The following DCD variants were observed in gnomAD, a reference collection of about 807,000 sequenced individuals.
DCD encodes the protein diffusible survival/evasion peptide.
DCD carries 17 observed loss-of-function variants against 14.5 expected under a neutral mutation model. The observed-to-expected ratio is 1.18, with a 90% CI of 0.81 to 1.76. The LOEUF (loss-of-function observed/expected upper bound fraction) is 1.76, where lower values mean the gene tolerates loss of function less well. Ranked by LOEUF, DCD falls within the 40% of genes most tolerant of loss-of-function variation. The pLI, the probability that DCD is intolerant of heterozygous loss-of-function variation, is 0.00. For missense variants in DCD, 139 were observed against 133.4 expected, an observed-to-expected ratio of 1.04 and a Z score of -0.21; for synonymous variants, 64 against 54.0, an observed-to-expected ratio of 1.19 and a Z score of -0.82.
intron 2 of DCD, 67 bp from the exon 3 acceptor site, chr12:54,645,774 G>T: frequency 7.1e-7 from 1 of 1,411,274 alleles, no homozygotes; most frequent in Non-Finnish European, 1.0e-6. Context: ...CGGGGAGCAG[G>T]TGGTGCTTTT....
chr12:54,648,352 G>A lies in DCD; in HGVS notation c.-49C>T. On this transcript the variant is annotated 5_prime_UTR_variant, in exon 1 of 5. Coordinates refer to ENST00000293371, the MANE Select transcript of DCD (RefSeq NM_053283.4). Reference sequence around the variant, plus strand: ...TGCCACCAAATCCTTGGAGATCTTGGGATCTAGGGTGTCAAGACTGCCTCT... The same window carrying A: ...TGCCACCAAATCCTTGGAGATCTTGAGATCTAGGGTGTCAAGACTGCCTCT... The A allele has an allele frequency of 6.2e-7, 1 of 1,611,924 alleles. No individual in the cohort carries two copies. Among genetic ancestry groups the A allele is most frequent in the Non-Finnish European group, 8.5e-7 (1 of 1,178,904 alleles).
chr12:54,645,116 A>G (rs1958246909), intron 4 of DCD, 57 bp downstream of exon 4: 2 of 1,578,212 alleles, frequency 1.3e-6, no homozygotes, highest in East Asian at 2.2e-5. Flanking sequence ...TTCAGATCTC[A>G]TGCAAGGGGT....
intron 4 of DCD, 192 bp from the exon 5 acceptor site, chr12:54,644,948 C>G (rs1192730274): frequency 6.5e-7 from 1 of 1,549,220 alleles, no homozygotes. Context: ...TCTTCCCCAC[C>G]TTGGCAGGGG....
rs764041088 is a variant in DCD, at chr12:54,648,284, A to G, written c.20T>C (p.Leu7Pro). ...GGCTCCTGCCAGAGCTGTCAGGAAG[A>G]GGAGAGTCATGAACCTCATGCTTCT... is the stretch of plus-strand genomic sequence containing the variant. The part of the protein sequence containing the change: MRFMTL[L>P]FLTALAGALV... The change falls in exon 1 of 5, where the codon CTC becomes CCC. Residue 7 changes from leucine (L) to proline (P), a missense_variant. Physicochemically the swap from Leu to Pro is moderately conservative, Grantham distance 98. Coordinates refer to ENST00000293371, the MANE Select transcript of DCD (RefSeq NM_053283.4). 7 of 1,613,890 alleles carry G rather than the reference A, an allele frequency of 4.3e-6. No homozygotes were observed. Among genetic ancestry groups the G allele is most frequent in the Non-Finnish European group, 5.9e-6 (7 of 1,179,974 alleles).
intron 2 of DCD, among the ~76,000 whole-genome samples, chr12:54,646,792 T>G (rs564910692): frequency 1.2e-3 from 178 of 152,236 alleles, no homozygotes; most frequent in African/African-American, 4.1e-3. Context: ...GTTTTTGAAT[T>G]GAAATTGTTG....
At chr12:54,644,780 G>A (rs1258914524) in intron 4 of DCD, 24 bp from the exon 5 acceptor site, 1 of 1,594,690 alleles carries the variant, frequency 6.3e-7, no homozygotes. Context: ...AGAAAAAAAT[G>A]GGGTAAAGGG....
In DCD at chr12:54,648,291, T is replaced by C. The variant is rs756756691; in HGVS notation, c.13A>G (p.Thr5Ala). 1 of 1,613,108 alleles carries C rather than the reference T, an allele frequency of 6.2e-7. No individual in the cohort carries two copies. Among genetic ancestry groups the C allele is most frequent in the Non-Finnish European group, 8.5e-7 (1 of 1,179,784 alleles). The change falls in exon 1 of 5, where the codon ACT becomes GCT. Residue 5 changes from threonine (T) to alanine (A), a missense_variant. By Grantham distance (58) the Thr-to-Ala change is moderately conservative. Transcript: ENST00000293371. MRFM[T>A]LLFLTALAGA... The stretch of plus-strand genomic sequence containing the variant: ...GCCAGAGCTGTCAGGAAGAGGAGAG[T>C]CATGAACCTCATGCTTCTGTGTGCT...
chr12:54,645,737 T>C (rs2222876), intron 2 of DCD, 30 bp from the exon 3 acceptor site: 1 of 1,582,652 alleles, frequency 6.3e-7, no homozygotes, highest in African/African-American at 1.3e-5. Context: ...AGAGGAATAA[T>C]AGCTATTTCA....
intron 1 of DCD, 91 bp downstream of exon 1, chr12:54,648,155 T>A (rs1404745512): frequency 7.0e-7 from 1 of 1,426,046 alleles, no homozygotes; most frequent in Non-Finnish European, 9.8e-7. Flanking sequence ...TTGGGTGAAC[T>A]GCCTCTGGCG....
chr12:54,647,181 C>T (rs368045639), intron 1 of DCD, 22 bp from the exon 2 acceptor site: 3 of 1,557,950 alleles, frequency 1.9e-6, no homozygotes, highest in East Asian at 4.8e-5. Context: ...GGAACAGTGA[C>T]CATGTCAAGT....
chr12:54,646,549 G>T (rs979244918), intron 2 of DCD, among the ~76,000 whole-genome samples: 4 of 152,280 alleles, frequency 2.6e-5, no homozygotes, highest in African/African-American at 9.6e-5. Context: ...AAGCTTGTTA[G>T]AGCACGGACA....
chr12:54,645,708 C>T lies in DCD; in HGVS notation c.98-1G>A. 15 of 1,613,496 alleles carry T rather than the reference C, an allele frequency of 9.3e-6. No homozygotes were observed. Among genetic ancestry groups the T allele is most frequent in the Non-Finnish European group, 1.3e-5 (15 of 1,179,456 alleles). On this transcript the variant is annotated splice_acceptor_variant, in intron 2 of 4. Coordinates refer to ENST00000293371, the MANE Select transcript of DCD (RefSeq NM_053283.4). LOFTEE classifies it high-confidence loss of function. ...TGAGCTGCTGATGCTTCATGGCAAG[C>T]TGCAAGGGTAAGGGAGTGAGAGGAA...
At chr12:54,644,983 A>G (rs1322423377) in intron 4 of DCD, 190 bp downstream of exon 4, 4 of 1,542,710 alleles carry the variant, frequency 2.6e-6, no homozygotes, top group Non-Finnish European at 3.5e-6. Flanking sequence ...AATAAAAAAA[A>G]AAGCAAGTTA....
chr12:54,645,975 A>C (rs1362517398), intron 2 of DCD: 1 of 500,106 alleles, frequency 2.0e-6, no homozygotes, highest in Non-Finnish European at 3.9e-6. Flanking sequence ...ATTTTGGCAG[A>C]AAGATCACCT....
rs1958256335 is a variant in DCD at position 54,645,842 on chromosome 12, G to A, written c.98-135C>T. The A allele has an allele frequency of 4.4e-6, 3 of 681,924 alleles. No individual in the cohort carries two copies. In the East Asian group the frequency reaches 8.3e-5, roughly 19 times the overall value. 42.2% of individuals were successfully genotyped at this position (681,924 alleles called of 1,614,324 possible). ...CTCTCTCCCAATTCCTCTAGAGCTTGACTTTCATGATGTGTTAGGTTCTTT... is the reference window on the plus strand; with the variant it reads ...CTCTCTCCCAATTCCTCTAGAGCTTAACTTTCATGATGTGTTAGGTTCTTT... On this transcript the variant is annotated intron_variant, in intron 2 of 4. Coordinates refer to ENST00000293371, the MANE Select transcript of DCD (RefSeq NM_053283.4).
intron 2 of DCD, chr12:54,646,077 G>A (rs1165892913): frequency 2.2e-6 from 1 of 458,454 alleles, no homozygotes; most frequent in Admixed American, 2.3e-5. Flanking sequence ...TTCTAGGCAG[G>A]TTGGTGGATG....
intron 3 of DCD, 100 bp from the exon 4 acceptor site, chr12:54,645,362 G>T: frequency 4.1e-6 from 5 of 1,231,958 alleles, no homozygotes; most frequent in Non-Finnish European, 5.9e-6. Flanking sequence ...CACCCCTAAG[G>T]TGAAGTGGTT....
intron 2 of DCD, chr12:54,646,160 C>T (rs1356834623): frequency 1.5e-5 from 7 of 456,130 alleles, no homozygotes; most frequent in Non-Finnish European, 3.1e-5. Context: ...TCTGGAAAAT[C>T]AAAACTTCTG....
At position 54,647,179 on chromosome 12, in the gene DCD, G is replaced by A. The variant is rs753597807; in HGVS notation, c.59-20C>T. ...GATCATCTGCAAAGGAGGGAACAGT[G>A]ACCATGTCAAGTAGGGCACAGTTGC... On this transcript the variant is annotated intron_variant, in intron 1 of 4. Coordinates refer to ENST00000293371, the MANE Select transcript of DCD (RefSeq NM_053283.4). 6.8e-5 allele frequency: 106 copies of A among 1,558,430 alleles called. No individual in the cohort carries two copies. The highest frequency in any genetic ancestry group is 9.1e-5 in the Non-Finnish European group (105 of 1,150,436).
Sources: allele counts gnomAD v4.1 joint callset (sites outside exome capture counted in the v4.1 genomes callset), GRCh38; gene constraint gnomAD v4.1.1; transcripts MANE v1.5; gene names NCBI Gene and HGNC (gene_info 2026-07-23, HGNC 2026-07-21).